Variants in NALF1 observed in about 807,000 individuals in gnomAD.
The protein encoded by NALF1 is NALCN channel auxiliary factor 1.
In NALF1, 3 loss-of-function variants were observed where a neutral mutation model predicts 48.4. The observed-to-expected ratio is 0.06, with a 90% confidence interval of 0.03 to 0.16. The LOEUF (loss-of-function observed/expected upper bound fraction) is 0.16, where lower values mean the gene tolerates loss of function less well. Ranked by LOEUF, NALF1 falls within the 10% of genes least tolerant of loss-of-function variation. NALF1 has a pLI of 1.00. For missense variants in NALF1, 526 were observed against 571.5 expected (o/e 0.92, Z 0.81); for synonymous variants, 262 against 245.7 (o/e 1.07, Z -0.62).
At chr13:107,540,797 C>CA (rs1367841118) in intron 1 of NALF1, among the ~76,000 whole-genome samples, 1 of 151,740 alleles carries the variant, frequency 6.6e-6, no homozygotes, top group Non-Finnish European at 1.5e-5. Flanking sequence ...ATACATTGGC[C>CA]AAAAAAAGTT....
chr13:107,504,095 T>G (rs2139080978), intron 1 of NALF1, among the ~76,000 whole-genome samples: 1 of 151,506 alleles, frequency 6.6e-6, no homozygotes, highest in Admixed American at 6.6e-5. Flanking sequence ...CTACTAAAAA[T>G]ACAAAAATTA....
At chr13:107,224,463 T>C (rs1374519312) in intron 1 of NALF1, among the ~76,000 whole-genome samples, 1 of 149,036 alleles carries the variant, frequency 6.7e-6, no homozygotes, top group Non-Finnish European at 1.5e-5. Context: ...ATAAATATAA[T>C]ACAAATTACA....
At chr13:107,515,119 G>A (rs1171799898) in intron 1 of NALF1, among the ~76,000 whole-genome samples, 1 of 152,118 alleles carries the variant, frequency 6.6e-6, no homozygotes, top group Non-Finnish European at 1.5e-5. Context: ...CTAAATGGAA[G>A]CTTTGAGGGT....
intron 1 of NALF1, among the ~76,000 whole-genome samples, chr13:107,641,069 C>T (rs940879231): frequency 5.3e-5 from 8 of 152,182 alleles, no homozygotes; most frequent in East Asian, 1.9e-4. Context: ...GAAATATCTA[C>T]TTGGTTATAA....
rs958904422 is a variant in NALF1 at position 107,250,950 on chromosome 13, G to C, written c.916-40195C>G. ...TTCTCCTTCATCTTCTGTCATGATT[G>C]TAAGTTTCCTGAGGCCTCCCCAGCC... On this transcript the variant is annotated intron_variant, in intron 1 of 2. Coordinates refer to ENST00000375915, the MANE Select transcript of NALF1 (RefSeq NM_001080396.3). Among the ~76,000 whole-genome samples, 5 of 152,158 alleles carry C rather than the reference G, an allele frequency of 3.3e-5. 1 individual carries two copies.
chr13:107,257,250 A>T (rs1461208084), intron 1 of NALF1, among the ~76,000 whole-genome samples: 1 of 152,134 alleles, frequency 6.6e-6, no homozygotes, highest in African/African-American at 2.4e-5. Context: ...TTGGGTGGGG[A>T]CACAGAGCCG....
Position 107,725,538 on chromosome 13 carries a change from T to A in NALF1, c.915+140144A>T, listed in dbSNP as rs112274641. Among the ~76,000 whole-genome samples, 298 of 152,244 alleles carry A rather than the reference T, an allele frequency of 2.0e-3. 4 individuals are homozygous for A. The highest frequency in any genetic ancestry group is 6.9e-3 in the African/African-American group (285 of 41,562). ...GCCTGGCCAAAATATAGTGAAACCC[T>A]GTTTCTACTAAAAAATACAAAAATT... On this transcript the variant is annotated intron_variant, in intron 1 of 2. Transcript: ENST00000375915.
intron 1 of NALF1, among the ~76,000 whole-genome samples, chr13:107,370,257 G>T (rs1358019283): frequency 6.6e-6 from 1 of 152,228 alleles, no homozygotes; most frequent in East Asian, 1.9e-4. Flanking sequence ...AACAGCACAT[G>T]CAGTGGATGA....
chr13:107,502,562 A>C (rs1342828298), intron 1 of NALF1, among the ~76,000 whole-genome samples: 1 of 152,182 alleles, frequency 6.6e-6, no homozygotes, highest in Non-Finnish European at 1.5e-5. Context: ...TACCTTGAAC[A>C]TTCTAAACTC....
At chr13:107,203,869 C>T (rs1296286995) in intron 2 of NALF1, among the ~76,000 whole-genome samples, 2 of 152,082 alleles carry the variant, frequency 1.3e-5, no homozygotes, top group Admixed American at 6.5e-5. Context: ...TAGAATTTTC[C>T]CCAAAGGCTG....
intron 1 of NALF1, among the ~76,000 whole-genome samples, chr13:107,693,341 A>AGG (rs1381702678): frequency 9.9e-6 from 1 of 100,686 alleles, no homozygotes. Context: ...GGGGGGCGGG[A>AGG]GGGATAGCAT....
chr13:107,652,605 C>T (rs1285562996), intron 1 of NALF1, among the ~76,000 whole-genome samples: 6 of 152,008 alleles, frequency 3.9e-5, no homozygotes, highest in Non-Finnish European at 8.8e-5. Context: ...GAATCCAATC[C>T]CATCCTAATA....
chr13:107,234,834 G>C (rs1234631409), intron 1 of NALF1, among the ~76,000 whole-genome samples: 1 of 151,976 alleles, frequency 6.6e-6, no homozygotes, highest in Non-Finnish European at 1.5e-5. Context: ...CTCTATTTTT[G>C]GTAATGACAG....
At chr13:107,630,217 C>T (rs1011949682) in intron 1 of NALF1, among the ~76,000 whole-genome samples, 1 of 152,138 alleles carries the variant, frequency 6.6e-6, no homozygotes, top group African/African-American at 2.4e-5. Flanking sequence ...CTTACCGTGA[C>T]ACAAGAGTTA....
chr13:107,831,724 T>G (rs1294890860), intron 1 of NALF1, among the ~76,000 whole-genome samples: 1 of 152,174 alleles, frequency 6.6e-6, no homozygotes, highest in Non-Finnish European at 1.5e-5. Flanking sequence ...GAAAGAGTAT[T>G]TTGTAACAAG....
rs376310337 is a variant in NALF1 at position 107,279,827 on chromosome 13, T to C, written c.916-69072A>G. Among the ~76,000 whole-genome samples the C allele has an allele frequency of 2.0e-5, 3 of 152,326 alleles. No individual in the cohort carries two copies. In the East Asian group the frequency reaches 5.8e-4, roughly 29 times the overall value. ...CTTCATTTCCTTTCCACCTGCTAAA[T>C]AATATCTTGGAATCAACTCCCACAA... On this transcript the variant is annotated intron_variant, in intron 1 of 2. Transcript: ENST00000375915.
chr13:107,658,324 C>T (rs1053837643), intron 1 of NALF1, among the ~76,000 whole-genome samples: 1 of 152,058 alleles, frequency 6.6e-6, no homozygotes, highest in African/African-American at 2.4e-5. Context: ...GGAAGAGCCT[C>T]ATCTGTCTAC....
At chr13:107,764,445 T>G (rs1877366851) in intron 1 of NALF1, among the ~76,000 whole-genome samples, 1 of 152,042 alleles carries the variant, frequency 6.6e-6, no homozygotes, top group African/African-American at 2.4e-5. Context: ...GTGTGTGTGT[T>G]TGTGCGTACG....
At chr13:107,700,086 A>G (rs974244948) in intron 1 of NALF1, among the ~76,000 whole-genome samples, 2 of 152,036 alleles carry the variant, frequency 1.3e-5, no homozygotes, top group Non-Finnish European at 2.9e-5. Flanking sequence ...ACACAAAGTA[A>G]TATATAGATT....
Sources: allele counts gnomAD v4.1 joint callset (sites outside exome capture counted in the v4.1 genomes callset), GRCh38; gene constraint gnomAD v4.1.1; transcripts MANE v1.5; gene names NCBI Gene and HGNC (gene_info 2026-07-23, HGNC 2026-07-21).